HBP1: variants seen among roughly 807,000 people sequenced by gnomAD.
HBP1 encodes the protein HMG box-containing protein 1.
HBP1 carries 20 observed loss-of-function variants against 62.6 expected under a neutral mutation model. That is an observed-to-expected ratio of 0.32 (90% CI 0.22 to 0.46). The LOEUF is 0.46. Ranked by LOEUF, HBP1 falls within the 20% of genes least tolerant of loss-of-function variation. The probability of loss-of-function intolerance (pLI) is 1.00; values close to 1 mark genes in which losing one functional copy is unlikely to be tolerated. For synonymous variants in HBP1, 232 were observed against 206.2 expected (o/e 1.12, Z -1.07); for missense variants, 480 against 611.8 (o/e 0.78, Z 2.27).
In HBP1 at chr7:107,200,319, G is replaced by C; in HGVS notation, c.1527+18G>C. 3 of 1,604,222 alleles carry C rather than the reference G, an allele frequency of 1.9e-6. No homozygotes were observed. The highest frequency in any genetic ancestry group is 1.7e-6 in the Non-Finnish European group (2 of 1,174,046). ...CCAATTCAGTATGTTTCAATAAATA[G>C]TGTTTAAAATTATCTTGCCTTATCC... On this transcript the variant is annotated intron_variant, in intron 10 of 10. Coordinates refer to ENST00000222574, the MANE Select transcript of HBP1 (RefSeq NM_012257.4).
rs541988754 is a variant in HBP1 at position 107,169,565 on chromosome 7, C to A, written c.-16+380C>A. Among the ~76,000 whole-genome samples the A allele has an allele frequency of 2.9e-5, 4 of 137,456 alleles. 1 individual carries two copies. The Middle Eastern group carries it at 0.016, about 554-fold the overall frequency. The allele number at this position is 137,456 out of a possible 152,430, so 90.2% of individuals were successfully genotyped here. On this transcript the variant is annotated intron_variant, in intron 1 of 10. Coordinates refer to ENST00000222574, the MANE Select transcript of HBP1 (RefSeq NM_012257.4). ...CCAGGAAAGTTTGACTTCAACTCCC[C>A]GTTTGTGGGCGGAGGGTCGGAGCTT... is the stretch of plus-strand genomic sequence containing the variant.
Position 107,171,073 on chromosome 7 carries a change from A to ATATATATATATT in HBP1, c.-16+1889_-16+1890insATATATATATTT. Among the ~76,000 whole-genome samples the ATATATATATATT allele has an allele frequency of 6.9e-5, 6 of 87,192 alleles. 1 individual carries two copies. The highest frequency in any genetic ancestry group is 2.7e-4 in the African/African-American group (4 of 15,084). The allele number at this position is 87,192 out of a possible 152,430, so 57.2% of individuals were successfully genotyped here. The stretch of plus-strand genomic sequence containing the variant: ...TATATATATATATATATATATATAT[A>ATATATATATATT]TTTTTTTTTTTTTTTGAGAGGGAGT... On this transcript the variant is annotated intron_variant, in intron 1 of 10. Transcript: ENST00000222574.
At chr7:107,172,919 C>A (rs1451668928) in intron 1 of HBP1, among the ~76,000 whole-genome samples, 1 of 152,048 alleles carries the variant, frequency 6.6e-6, no homozygotes, top group Non-Finnish European at 1.5e-5. Context: ...ATAAAAAAAA[C>A]AGGTCCAAAT....
rs1051343510 is a variant in HBP1 at position 107,189,458 on chromosome 7, G to C, written c.922+10G>C. 2 of 1,589,636 alleles carry C rather than the reference G, an allele frequency of 1.3e-6. No individual in the cohort carries two copies. Among genetic ancestry groups the C allele is most frequent in the African/African-American group, 2.7e-5 (2 of 73,988 alleles). On this transcript the variant is annotated intron_variant, in intron 7 of 10. Coordinates refer to ENST00000222574, the MANE Select transcript of HBP1 (RefSeq NM_012257.4). ...TATGTTAAAAATAAAGGTAGGGCTT[G>C]AATTGCATTTGTAGTAACTTTTTTT...
intron 1 of HBP1, among the ~76,000 whole-genome samples, chr7:107,177,114 G>A (rs1319614679): frequency 1.3e-5 from 2 of 151,972 alleles, no homozygotes; most frequent in African/African-American, 4.8e-5. Context: ...CCTATGTCTG[G>A]GGATAAAAAA....
chr7:107,201,462 T>C lies in HBP1; in HGVS notation c.*31T>C, dbSNP rs547734050. On this transcript the variant is annotated 3_prime_UTR_variant, in exon 11 of 11. Coordinates refer to ENST00000222574, the MANE Select transcript of HBP1 (RefSeq NM_012257.4). ...GATGCTTATGTTCTTAAGTCTATATTTGCATATACATTGACTCTTGATGGA... is the reference window on the plus strand; with the variant it reads ...GATGCTTATGTTCTTAAGTCTATATCTGCATATACATTGACTCTTGATGGA... 2 of 1,440,542 alleles carry C rather than the reference T, an allele frequency of 1.4e-6. No homozygotes were observed. The highest frequency in any genetic ancestry group is 1.4e-5 in the African/African-American group (1 of 71,620). The allele number at this position is 1,440,542 out of a possible 1,614,324, so 89.2% of individuals were successfully genotyped here. A position where few individuals can be genotyped will look rare whatever the true frequency, so the allele number is the denominator to read the frequency against.
In HBP1 at chr7:107,195,712, T is replaced by C. The variant is rs186456678; in HGVS notation, c.1068-122T>C. On this transcript the variant is annotated intron_variant, in intron 8 of 10. Transcript: ENST00000222574. ...AGTTGTTAGTGTTGGTAACATGATA[T>C]AGGGGGAAATGCACTGAAATTTCCA... 91 of 480,870 alleles carry C rather than the reference T, an allele frequency of 1.9e-4. No homozygotes were observed. In the East Asian group the frequency reaches 2.4e-3, roughly 13 times the overall value. 29.8% of individuals were successfully genotyped at this position (480,870 alleles called of 1,614,324 possible). A position where few individuals can be genotyped will look rare whatever the true frequency, so the allele number is the denominator to read the frequency against.
At position 107,182,578 on chromosome 7, in the gene HBP1, G is replaced by C; in HGVS notation, c.375G>C (p.Leu125=). ...TCGCGACCAGTCCACAAAGTCCACT[G>C]ATGCAGTGCTCATTTTACAATAGGT... is the stretch of plus-strand genomic sequence containing the variant. ...ANIATSPQSP[L]MQCSFYNRSS... Residue 125 remains leucine, a synonymous_variant, in exon 3 of 11, where the codon CTG becomes CTC. Coordinates refer to ENST00000222574, the MANE Select transcript of HBP1 (RefSeq NM_012257.4). The C allele has an allele frequency of 6.3e-7, 1 of 1,592,612 alleles. No homozygotes were observed. Among genetic ancestry groups the C allele is most frequent in the Non-Finnish European group, 8.6e-7 (1 of 1,160,752 alleles).
At chr7:107,179,817 G>T (rs772698093) in intron 1 of HBP1, 62 bp from the exon 2 acceptor site, 55 of 1,075,918 alleles carry the variant, frequency 5.1e-5, no homozygotes, top group Non-Finnish European at 6.8e-5. Flanking sequence ...TTTATTTTAG[G>T]TTTGTGTACT....
intron 3 of HBP1, among the ~76,000 whole-genome samples, chr7:107,183,468 A>G (rs535534526): frequency 6.6e-6 from 1 of 152,338 alleles, no homozygotes; most frequent in Admixed American, 6.5e-5. Context: ...TGACTAGAGC[A>G]AATTGAATTT....
chr7:107,182,995 T>C (rs573905504), intron 3 of HBP1, among the ~76,000 whole-genome samples: 8 of 152,346 alleles, frequency 5.3e-5, no homozygotes, highest in East Asian at 3.9e-4. Context: ...ATTTCTTCCA[T>C]AGTTTATGTG....
rs372886810 is a variant in HBP1 at position 107,179,924 on chromosome 7, C to T, written c.31C>T (p.Pro11Ser). 2 of 1,605,850 alleles carry T rather than the reference C, an allele frequency of 1.2e-6. No individual in the cohort carries two copies. Among genetic ancestry groups the T allele is most frequent in the African/African-American group, 1.3e-5 (1 of 74,784 alleles). Residue 11 changes from proline to serine, a missense_variant, in exon 2 of 11, where the codon CCT (proline) becomes TCT (serine). Coordinates refer to ENST00000222574, the MANE Select transcript of HBP1 (RefSeq NM_012257.4). MVWEVKTNQM[P>S]NAVQKLLLVM... ...GTGGGAAGTGAAGACAAATCAGATG[C>T]CTAATGCAGTACAGAAACTCCTGTT...
rs571357897 is a variant in HBP1 at position 107,199,179 on chromosome 7, G to A, written c.1386-981G>A. Among the ~76,000 whole-genome samples, 13 of 152,238 alleles carry A rather than the reference G, an allele frequency of 8.5e-5. No homozygotes were observed. In the East Asian group the frequency reaches 1.9e-3, roughly 23 times the overall value. ...CGGCTCACTGCAACCTCTGCCTCCC[G>A]GGTTCAGGCGATTCTAGTGCCTCAG... On this transcript the variant is annotated intron_variant, in intron 9 of 10. Transcript: ENST00000222574.
chr7:107,172,587 A>G (rs748497537), intron 1 of HBP1, among the ~76,000 whole-genome samples: 3 of 152,296 alleles, frequency 2.0e-5, no homozygotes, highest in African/African-American at 7.2e-5. Flanking sequence ...TGCTTCTGCT[A>G]TTAATGGGTT....
At chr7:107,200,111 T>C (rs758819718) in intron 9 of HBP1, 49 bp from the exon 10 acceptor site, 8 of 1,432,740 alleles carry the variant, frequency 5.6e-6, no homozygotes, top group Non-Finnish European at 7.5e-6. Flanking sequence ...TGACATGAGA[T>C]TTATGAAAAA....
intron 1 of HBP1, among the ~76,000 whole-genome samples, chr7:107,170,721 ACTTAT>A (rs941310927): frequency 6.6e-6 from 1 of 151,752 alleles, no homozygotes; most frequent in African/African-American, 2.4e-5. Context: ...TTGTAAACCT[ACTTAT>A]CTTTTCTGTC....
At chr7:107,190,355 A>G (rs1797592276) in intron 8 of HBP1, 38 bp downstream of exon 8, 1 of 1,485,716 alleles carries the variant, frequency 6.7e-7, no homozygotes, top group South Asian at 1.2e-5. Context: ...TTTTCCTCTT[A>G]AAGTTTGCCC....
chr7:107,190,182 C>T lies in HBP1; in HGVS notation c.932C>T (p.Ser311Leu). 6.2e-7 allele frequency: 1 copy of T among 1,606,790 alleles called. No homozygotes were observed. Among genetic ancestry groups the T allele is most frequent in the Non-Finnish European group, 8.5e-7 (1 of 1,176,794 alleles). Residue 311 changes from serine (S) to leucine (L), a missense_variant, in exon 8 of 11, where the codon TCA (serine) becomes TTA (leucine). Transcript: ENST00000222574. The part of the protein sequence containing the change: ...PFYVKNKGWS[S>L]FYPSLTVVQH... ...CATTGTTTAACTTTAGGTTGGTCAT[C>T]ATTTTATCCAAGCTTGACTGTGGTA...
Position 107,185,801 on chromosome 7 carries a change from A to G in HBP1, c.399A>G (p.Arg133=). The G allele has an allele frequency of 6.2e-7, 1 of 1,611,366 alleles. No individual in the cohort carries two copies. Among genetic ancestry groups the G allele is most frequent in the South Asian group, 1.1e-5 (1 of 90,840 alleles). ...GGTTGAAACTGTTGCTTTATTTTAG[A>G]TCATCTCCTGTACACATCATAGCCA... ...SPLMQCSFYN[R]SSPVHIIATS... Residue 133 remains arginine (R), a splice_region_variant and synonymous_variant, in exon 4 of 11, where the codon AGA becomes AGG. Transcript: ENST00000222574.
Sources: allele counts gnomAD v4.1 joint callset (sites outside exome capture counted in the v4.1 genomes callset), GRCh38; gene constraint gnomAD v4.1.1; transcripts MANE v1.5; gene names NCBI Gene and HGNC (gene_info 2026-07-23, HGNC 2026-07-21).